The following SLC10A7 variants were observed in gnomAD, a reference collection of about 807,000 sequenced individuals.
The protein encoded by SLC10A7 is solute carrier family 10 member 7, also known as sodium/bile acid cotransporter 7.
Under a neutral mutation model 43.2 loss-of-function variants are expected in SLC10A7, and 29 were observed. The ratio of observed to expected loss-of-function variants is 0.67; its 90% confidence interval spans 0.50 to 0.92. The LOEUF (loss-of-function observed/expected upper bound fraction) is 0.92. Ranked by LOEUF, SLC10A7 falls within the 40% of genes least tolerant of loss-of-function variation. SLC10A7 has a pLI of 0.00. For missense variants in SLC10A7, 295 were observed against 403.2 expected, an observed-to-expected ratio of 0.73 and a Z score of 2.30; for synonymous variants, 152 against 144.8, an observed-to-expected ratio of 1.05 and a Z score of -0.35.
At chr4:146,318,106 T>C (rs953660554) in intron 6 of SLC10A7, among the ~76,000 whole-genome samples, 1 of 152,074 alleles carries the variant, frequency 6.6e-6, no homozygotes, top group Non-Finnish European at 1.5e-5. Flanking sequence ...TTAATCCGAT[T>C]GACACAAATA....
At chr4:146,259,427 G>T (rs975900408) in intron 10 of SLC10A7, among the ~76,000 whole-genome samples, 2 of 152,146 alleles carry the variant, frequency 1.3e-5, no homozygotes, top group Non-Finnish European at 2.9e-5. Context: ...CATACAGATT[G>T]GTCTATGGAA....
intron 4 of SLC10A7, among the ~76,000 whole-genome samples, chr4:146,491,927 C>T (rs1427800015): frequency 6.6e-6 from 1 of 152,120 alleles, no homozygotes; most frequent in Non-Finnish European, 1.5e-5. Flanking sequence ...CTTAGAAAGA[C>T]ACAGCCAGGG....
intron 5 of SLC10A7, among the ~76,000 whole-genome samples, chr4:146,407,748 C>A (rs1275642306): frequency 6.6e-6 from 1 of 152,124 alleles, no homozygotes; most frequent in Non-Finnish European, 1.5e-5. Context: ...CAACAATATG[C>A]CCAATCTAGG....
chr4:146,509,929 C>A lies in SLC10A7; in HGVS notation c.304G>T (p.Glu102Ter). The A allele has an allele frequency of 6.2e-7, 1 of 1,612,490 alleles. No individual in the cohort carries two copies. The highest frequency in any genetic ancestry group is 2.2e-5 in the East Asian group (1 of 44,792). Residue 102 changes from glutamate (E) to a stop codon, truncating the protein, a stop_gained, in exon 3 of 12, where the codon GAA (glutamate) becomes TAA (stop). Transcript: ENST00000335472. LOFTEE classifies it high-confidence loss of function. ...TAAACATACCCTTTTAAAAGCCATT[C>A]GTTGATGGGTGTGATTGATAAAAGC... ...LQLLSITPIN[E>*]WLLKGLQTVG...
chr4:146,449,196 G>A lies in SLC10A7; in HGVS notation c.397-6375C>T, dbSNP rs139073240. On this transcript the variant is annotated intron_variant, in intron 4 of 11. Transcript: ENST00000335472. ...CCACTGGGTGACAGGGATAGGGAGG[G>A]TATATAAGTGAACCAGAAATAAATA... Among the ~76,000 whole-genome samples, 148 of 152,222 alleles carry A rather than the reference G, an allele frequency of 9.7e-4. 1 individual carries two copies. The East Asian group carries it at 0.015, about 15-fold the overall frequency.
intron 5 of SLC10A7, among the ~76,000 whole-genome samples, chr4:146,374,810 T>C (rs1042473070): frequency 2.6e-5 from 4 of 152,124 alleles, no homozygotes; most frequent in African/African-American, 9.7e-5. Flanking sequence ...AGAAGATGCA[T>C]GACATTTAAA....
chr4:146,308,452 G>C (rs1188446910), intron 6 of SLC10A7, among the ~76,000 whole-genome samples: 2 of 152,138 alleles, frequency 1.3e-5, no homozygotes, highest in East Asian at 1.9e-4. Context: ...CAGCCTGTGA[G>C]GACAGGACTA....
chr4:146,404,476 A>ATGTGTG (rs34519773), intron 5 of SLC10A7, among the ~76,000 whole-genome samples: 3,257 of 141,526 alleles, frequency 0.023, 84 homozygotes, highest in African/African-American at 0.06. Flanking sequence ...CTGCTCATTT[A>ATGTGTG]TGTGTGTGTG....
At chr4:146,304,813 TTCTGTCTCGTTGA>T (rs1353144728) in intron 7 of SLC10A7, among the ~76,000 whole-genome samples, 1 of 152,098 alleles carries the variant, frequency 6.6e-6, no homozygotes, top group African/African-American at 2.4e-5. Context: ...CTTGTTGACT[TTCTGTCTCGTTGA>T]TCTGTCTAAT....
chr4:146,342,505 C>T lies in SLC10A7; in HGVS notation c.436-16509G>A, dbSNP rs117357012. Among the ~76,000 whole-genome samples the T allele has an allele frequency of 1.6e-3, 242 of 151,650 alleles. 3 individuals are homozygous for T. The East Asian group carries it at 0.034, about 22-fold the overall frequency. The stretch of plus-strand genomic sequence containing the variant: ...AATAGTTCTATTAGATCACACACAA[C>T]GTAACAATCTTTTAAGAATGTCTTT... On this transcript the variant is annotated intron_variant, in intron 5 of 11. Transcript: ENST00000335472.
At chr4:146,310,266 T>C (rs1246696264) in intron 6 of SLC10A7, among the ~76,000 whole-genome samples, 1 of 152,192 alleles carries the variant, frequency 6.6e-6, no homozygotes, top group Non-Finnish European at 1.5e-5. Context: ...CTATTTTGAA[T>C]AGTGCAGTGA....
intron 10 of SLC10A7, among the ~76,000 whole-genome samples, chr4:146,268,226 C>T (rs900655032): frequency 3.9e-5 from 6 of 152,114 alleles, no homozygotes; most frequent in Admixed American, 6.5e-5. Context: ...AGGAACTATT[C>T]GGCTATGCTA....
At chr4:146,443,065 T>G (rs1282895096) in intron 4 of SLC10A7, among the ~76,000 whole-genome samples, 1 of 152,186 alleles carries the variant, frequency 6.6e-6, no homozygotes, top group Non-Finnish European at 1.5e-5. Context: ...TGTCATGCCT[T>G]GAACCTATAT....
intron 4 of SLC10A7, among the ~76,000 whole-genome samples, chr4:146,462,812 T>C (rs1258881957): frequency 6.6e-6 from 1 of 152,128 alleles, no homozygotes; most frequent in Non-Finnish European, 1.5e-5. Flanking sequence ...TCTGACAACC[T>C]GAGGCTTTCT....
chr4:146,446,122 T>A (rs1410503722), intron 4 of SLC10A7, among the ~76,000 whole-genome samples: 1 of 152,112 alleles, frequency 6.6e-6, no homozygotes, highest in Non-Finnish European at 1.5e-5. Flanking sequence ...CTCTGCCTCC[T>A]GGCCCTATCA....
At chr4:146,365,351 CT>C (rs1174915156) in intron 5 of SLC10A7, among the ~76,000 whole-genome samples, 2 of 152,082 alleles carry the variant, frequency 1.3e-5, no homozygotes, top group Admixed American at 1.3e-4. Context: ...TATCTGGATA[CT>C]TAACTTTCTA....
chr4:146,280,392 C>T (rs917639233), intron 10 of SLC10A7, among the ~76,000 whole-genome samples: 8 of 152,150 alleles, frequency 5.3e-5, no homozygotes, highest in African/African-American at 1.9e-4. Context: ...TTGTGATGTT[C>T]TTGCATTTCC....
At chr4:146,421,016 G>T (rs1231116458) in intron 5 of SLC10A7, among the ~76,000 whole-genome samples, 1 of 152,060 alleles carries the variant, frequency 6.6e-6, no homozygotes, top group Non-Finnish European at 1.5e-5. Context: ...GACAGAGCAA[G>T]ATCCTGTCTC....
At chr4:146,283,341 C>G (rs1729671624) in intron 9 of SLC10A7, 76 bp from the exon 10 acceptor site, 3 of 1,101,436 alleles carry the variant, frequency 2.7e-6, no homozygotes, top group Non-Finnish European at 4.1e-6. Context: ...AATGTAGTAC[C>G]TACCTTTATG....
Sources: gnomAD v4.1 joint callset for allele counts (sites outside exome capture counted in the v4.1 genomes callset) on GRCh38, gnomAD v4.1.1 for gene constraint, MANE v1.5 for transcripts, NCBI Gene and HGNC (gene_info 2026-07-23, HGNC 2026-07-21) for gene names.